Variants in PSPC1 observed in about 807,000 individuals in gnomAD.
PSPC1 encodes the protein paraspeckle protein 1.
In PSPC1, 14 loss-of-function variants were observed where a neutral mutation model predicts 51.6. The observed-to-expected ratio is 0.27, with a 90% confidence interval of 0.18 to 0.42. The LOEUF (loss-of-function observed/expected upper bound fraction) is 0.42, where lower values mean the gene tolerates loss of function less well. Ranked by LOEUF, PSPC1 falls within the 10% of genes least tolerant of loss-of-function variation. PSPC1 has a pLI of 1.00. For missense variants in PSPC1, 406 were observed against 701.1 expected, an observed-to-expected ratio of 0.58 and a Z score of 4.75; for synonymous variants, 193 against 231.9, an observed-to-expected ratio of 0.83 and a Z score of 1.53.
Position 19,730,336 on chromosome 13 carries a change from T to C in PSPC1, c.1061A>G (p.Glu354Gly). The C allele has an allele frequency of 6.2e-7, 1 of 1,614,048 alleles. No individual in the cohort carries two copies. The highest frequency in any genetic ancestry group is 8.5e-7 in the Non-Finnish European group (1 of 1,179,986). The change falls in exon 6 of 9, where the codon GAG (glutamate) becomes GGG (glycine). Residue 354 changes from glutamate to glycine, a missense_variant. Around this residue, in one of 5 missense-constraint regions of PSPC1, gnomAD observed 61 missense variants for 78.4 expected, o/e 0.78. Coordinates refer to ENST00000338910, the MANE Select transcript of PSPC1 (RefSeq NM_001354909.2). ...TTCTTCCTCACGCCGCCGATGCTCC[T>C]CTTCATGTCTGAAAATTTTTCAAAT... ...KRKQIQLRHEEEHRRREEEMI... is the reference protein window; with the variant it reads ...KRKQIQLRHEGEHRRREEEMI...
At chr13:19,745,432 A>G (rs1402175579) in intron 4 of PSPC1, among the ~76,000 whole-genome samples, 1 of 152,122 alleles carries the variant, frequency 6.6e-6, no homozygotes, top group East Asian at 1.9e-4. Flanking sequence ...AGGAATATAA[A>G]CAAACTAAAA....
intron 6 of PSPC1, among the ~76,000 whole-genome samples, chr13:19,724,471 C>G (rs1456479785): frequency 6.6e-6 from 1 of 152,180 alleles, no homozygotes; most frequent in Non-Finnish European, 1.5e-5. Context: ...AAGAGGCTGA[C>G]TGGTTAAAGA....
intron 7 of PSPC1, among the ~76,000 whole-genome samples, chr13:19,677,259 A>G (rs1248240886): frequency 6.6e-6 from 1 of 151,980 alleles, no homozygotes; most frequent in Non-Finnish European, 1.5e-5. Context: ...AAGAGATTAC[A>G]TATTTTCCAA....
chr13:19,697,727 G>A (rs906980488), downstream of PSPC1, among the ~76,000 whole-genome samples: 1 of 152,040 alleles, frequency 6.6e-6, no homozygotes. Context: ...AAGTCATACA[G>A]AATGACTATG....
chr13:19,759,861 C>A (rs369851352), intron 2 of PSPC1, among the ~76,000 whole-genome samples: 874 of 131,350 alleles, frequency 6.7e-3, no homozygotes, highest in Non-Finnish European at 7.4e-3. Flanking sequence ...GACTCCATCA[C>A]AAAAAAAAAA....
chr13:19,762,934 C>G (rs1435535255), intron 2 of PSPC1, among the ~76,000 whole-genome samples: 1 of 151,980 alleles, frequency 6.6e-6, no homozygotes, highest in African/African-American at 2.4e-5. Flanking sequence ...GGTGAAACCC[C>G]GTCTCTACTA....
In PSPC1 at chr13:19,705,197, A is replaced by C. The variant is rs1263638173; in HGVS notation, c.1386+465T>G. Among the ~76,000 whole-genome samples, 4 of 152,270 alleles carry C rather than the reference A, an allele frequency of 2.6e-5. No individual in the cohort carries two copies. The South Asian group carries it at 6.2e-4, about 24-fold the overall frequency. On this transcript the variant is annotated intron_variant, in intron 8 of 8. Transcript: ENST00000338910. ...AGACAGTAATCCTAATTCTTGGACT[A>C]CTTAAAAACTATCTCAGCTGGACGC...
intron 5 of PSPC1, among the ~76,000 whole-genome samples, chr13:19,738,611 A>T (rs888597105): frequency 6.6e-6 from 1 of 152,230 alleles, no homozygotes; most frequent in African/African-American, 2.4e-5. Flanking sequence ...TGCACGGTTT[A>T]GAGAATGACA....
intron 6 of PSPC1, among the ~76,000 whole-genome samples, chr13:19,692,022 C>T (rs1565963162): frequency 6.6e-6 from 1 of 152,118 alleles, no homozygotes; most frequent in Non-Finnish European, 1.5e-5. Flanking sequence ...AAAGGCGGAC[C>T]AAATCAGATA....
intron 7 of PSPC1, among the ~76,000 whole-genome samples, chr13:19,706,435 A>G (rs1593578268): frequency 6.6e-6 from 1 of 152,106 alleles, no homozygotes; most frequent in East Asian, 1.9e-4. Flanking sequence ...AAACCAAAAA[A>G]TTGAAATGAC....
intron 6 of PSPC1, among the ~76,000 whole-genome samples, chr13:19,689,460 TAA>T (rs1344744964): frequency 1.3e-5 from 2 of 152,204 alleles, no homozygotes; most frequent in African/African-American, 2.4e-5. Flanking sequence ...CAAAAGTACT[TAA>T]GACTATATAT....
At chr13:19,733,141 T>C (rs1189924822) in intron 5 of PSPC1, among the ~76,000 whole-genome samples, 2 of 152,130 alleles carry the variant, frequency 1.3e-5, no homozygotes, top group African/African-American at 4.8e-5. Context: ...GTGGCATTAT[T>C]TATAAAAGCA....
At chr13:19,760,414 GCTA>G (rs1887506502) in intron 2 of PSPC1, among the ~76,000 whole-genome samples, 1 of 151,874 alleles carries the variant, frequency 6.6e-6, no homozygotes, top group South Asian at 2.1e-4. Context: ...TGTAGTCCCA[GCTA>G]CTCAGGAGGC....
At chr13:19,682,960 C>G (rs1023766804) in intron 6 of PSPC1, among the ~76,000 whole-genome samples, 1 of 151,786 alleles carries the variant, frequency 6.6e-6, no homozygotes, top group African/African-American at 2.4e-5. Context: ...CCCAGCTACT[C>G]GGGAGGCTGA....
intron 6 of PSPC1, among the ~76,000 whole-genome samples, chr13:19,727,203 G>A (rs1883455228): frequency 6.6e-6 from 1 of 152,132 alleles, no homozygotes; most frequent in African/African-American, 2.4e-5. Context: ...AGACTATCCT[G>A]GCCAACATGG....
At chr13:19,747,454 T>TC (rs1414572730) in intron 4 of PSPC1, among the ~76,000 whole-genome samples, 1 of 152,008 alleles carries the variant, frequency 6.6e-6, no homozygotes, top group Non-Finnish European at 1.5e-5. Flanking sequence ...ACCTAAGCCT[T>TC]CCCAAGTAGC....
intron 6 of PSPC1, among the ~76,000 whole-genome samples, chr13:19,689,972 G>C (rs1878361100): frequency 6.6e-6 from 1 of 152,172 alleles, no homozygotes; most frequent in East Asian, 1.9e-4. Flanking sequence ...GGATAGGGCA[G>C]AGGGAAACTG....
At chr13:19,756,549 G>C (rs954602248) in intron 3 of PSPC1, among the ~76,000 whole-genome samples, 1 of 151,798 alleles carries the variant, frequency 6.6e-6, no homozygotes, top group African/African-American at 2.4e-5. Context: ...ATCCAGGCTG[G>C]AGTGTGGTGG....
intron 7 of PSPC1, among the ~76,000 whole-genome samples, chr13:19,677,038 T>C (rs1565950695): frequency 6.6e-6 from 1 of 151,926 alleles, no homozygotes; most frequent in African/African-American, 2.4e-5. Context: ...ATCGAGACCA[T>C]CCTGGCTAAC....
Sources: gnomAD v4.1 joint callset for allele counts (sites outside exome capture counted in the v4.1 genomes callset) on GRCh38, gnomAD v4.1.1 for gene constraint, gnomAD v4.1.1 regional missense constraint, MANE v1.5 for transcripts, NCBI Gene and HGNC (gene_info 2026-07-23, HGNC 2026-07-21) for gene names.